The following SLC4A8 variants were observed in gnomAD, a reference collection of about 807,000 sequenced individuals.
The protein encoded by SLC4A8 is electroneutral sodium bicarbonate exchanger 1.
A neutral mutation model predicts 125.0 loss-of-function variants in SLC4A8; 40 were observed. The observed-to-expected ratio is 0.32, with a 90% CI of 0.25 to 0.42. The LOEUF (loss-of-function observed/expected upper bound fraction) is 0.42, where lower values mean the gene tolerates loss of function less well. SLC4A8 is among the 10% of genes least tolerant of loss of function. SLC4A8 has a pLI of 1.00. For missense variants in SLC4A8, 863 were observed against 1,355.1 expected (o/e 0.64, Z 5.70); for synonymous variants, 456 against 476.0 (o/e 0.96, Z 0.55).
At chr12:51,444,344 T>A (rs1464901115) in intron 2 of SLC4A8, among the ~76,000 whole-genome samples, 1 of 152,228 alleles carries the variant, frequency 6.6e-6, no homozygotes, top group African/African-American at 2.4e-5. Context: ...AACTGATGCC[T>A]GATTTTCTGA....
chr12:51,453,202 A>G (rs958232848), intron 4 of SLC4A8, among the ~76,000 whole-genome samples: 11 of 152,362 alleles, frequency 7.2e-5, no homozygotes, highest in African/African-American at 2.4e-4. Flanking sequence ...CATTATAGAA[A>G]GTTTAAGAAT....
At chr12:51,494,797 C>G (rs930530512) in intron 20 of SLC4A8, 148 bp from the exon 21 acceptor site, 3 of 588,870 alleles carry the variant, frequency 5.1e-6, no homozygotes, top group South Asian at 7.2e-5. Context: ...ATTGCCTGGT[C>G]TTTTAAAGTC....
At chr12:51,504,230 A>G (rs3896351) in intron 23 of SLC4A8, 110 bp downstream of exon 23, 355,139 of 700,856 alleles carry the variant, frequency 0.51, 91,556 homozygotes, top group Non-Finnish European at 0.53. Context: ...AGAGCTAAAT[A>G]TTCAGCCTCC....
Position 51,468,321 on chromosome 12 carries a change from C to T in SLC4A8, c.1350-1293C>T, listed in dbSNP as rs151116640. On this transcript the variant is annotated intron_variant, in intron 11 of 24. Transcript: ENST00000453097. ...TCTACCTCCTGATTAGCTCTTGAAT[C>T]CATCCACTTCTCATCCTAATCTATG... Among the ~76,000 whole-genome samples, 1,356 of 152,320 alleles carry T rather than the reference C, an allele frequency of 8.9e-3. 69 individuals carry two copies. Among genetic ancestry groups the T allele is most frequent in the Admixed American group, 0.079 (1,211 of 15,298 alleles).
chr12:51,481,867 C>A (rs1451876994), intron 16 of SLC4A8, among the ~76,000 whole-genome samples: 1 of 151,968 alleles, frequency 6.6e-6, no homozygotes, highest in African/African-American at 2.4e-5. Flanking sequence ...GTGGAAGGAT[C>A]ACTTGAGGCC....
chr12:51,432,844 G>C (rs1949241796), intron 1 of SLC4A8, among the ~76,000 whole-genome samples: 1 of 152,172 alleles, frequency 6.6e-6, no homozygotes, highest in Non-Finnish European at 1.5e-5. Context: ...GGCAGGGATA[G>C]TGGTGGGAGT....
intron 14 of SLC4A8, among the ~76,000 whole-genome samples, chr12:51,472,092 T>C (rs1950716542): frequency 6.6e-6 from 1 of 152,238 alleles, no homozygotes; most frequent in Non-Finnish European, 1.5e-5. Flanking sequence ...AGATTATGAT[T>C]TCTTTATGTG....
At chr12:51,425,331 T>C (rs1024241370) in intron 1 of SLC4A8, 1 of 1,234,970 alleles carries the variant, frequency 8.1e-7, no homozygotes, top group African/African-American at 1.6e-5. Context: ...TCTCCTCGCG[T>C]CTTTCTGTTG....
At position 51,507,559 on chromosome 12, in the gene SLC4A8, T is replaced by C; in HGVS notation, c.*121T>C. On this transcript the variant is annotated 3_prime_UTR_variant, in exon 25 of 25. Coordinates refer to ENST00000453097, the MANE Select transcript of SLC4A8 (RefSeq NM_001039960.3). Reference sequence around the variant, plus strand: ...CCAAGTCTGGCCCTGTCCTTGGTCATCTCAAAGCCATGCCGAAGCATTCAG... The same window carrying C: ...CCAAGTCTGGCCCTGTCCTTGGTCACCTCAAAGCCATGCCGAAGCATTCAG... 1 of 636,726 alleles carries C rather than the reference T, an allele frequency of 1.6e-6. No individual in the cohort carries two copies. The allele number at this position is 636,726 out of a possible 1,614,324, so 39.4% of individuals were successfully genotyped here. A position where few individuals can be genotyped will look rare whatever the true frequency, so the allele number is the denominator to read the frequency against.
At chr12:51,435,922 T>C (rs768450030) in intron 1 of SLC4A8, among the ~76,000 whole-genome samples, 10 of 152,210 alleles carry the variant, frequency 6.6e-5, no homozygotes, top group African/African-American at 9.7e-5. Flanking sequence ...TACAAAATGG[T>C]ATTTTAAGAG....
At chr12:51,486,375 TGA>T (rs1292763940) in intron 17 of SLC4A8, among the ~76,000 whole-genome samples, 7 of 152,150 alleles carry the variant, frequency 4.6e-5, no homozygotes, top group Non-Finnish European at 7.4e-5. Context: ...AGAATGGAAC[TGA>T]GAGGAGCCTC....
intron 3 of SLC4A8, among the ~76,000 whole-genome samples, chr12:51,451,749 C>T (rs1565786086): frequency 6.7e-6 from 1 of 149,744 alleles, no homozygotes; most frequent in African/African-American, 2.5e-5. Flanking sequence ...AAGGTGGCTA[C>T]TATAAAACCA....
chr12:51,498,898 AAG>A (rs1491213719), intron 22 of SLC4A8, among the ~76,000 whole-genome samples: 2 of 137,576 alleles, frequency 1.5e-5, no homozygotes, highest in African/African-American at 5.4e-5. Flanking sequence ...AAAAAAAAAA[AAG>A]AGGCTGGATG....
rs1565816139 is a variant in SLC4A8, at chr12:51,488,631, C to A, written c.2287-68C>A. 6.1e-6 allele frequency: 7 copies of A among 1,154,642 alleles called. No individual in the cohort carries two copies. The South Asian group carries it at 9.5e-5, about 16-fold the overall frequency. 71.5% of individuals were successfully genotyped at this position (1,154,642 alleles called of 1,614,324 possible). A position where few individuals can be genotyped will look rare whatever the true frequency, so the allele number is the denominator to read the frequency against. On this transcript the variant is annotated intron_variant, in intron 17 of 24. Transcript: ENST00000453097. ...TAAAAAGAAATATGGATATTGTGAT[C>A]CAGTTTGATATGTTTTACCCCAATG...
intron 19 of SLC4A8, 66 bp from the exon 20 acceptor site, chr12:51,493,638 A>G (rs1184527583): frequency 3.1e-6 from 3 of 982,696 alleles, no homozygotes; most frequent in East Asian, 2.4e-5. Flanking sequence ...TTAAAAGTGT[A>G]TATAGTTTTG....
At chr12:51,462,016 C>A in intron 9 of SLC4A8, 2 of 237,898 alleles carry the variant, frequency 8.4e-6, no homozygotes, top group African/African-American at 2.3e-5. Context: ...ATATATCTTG[C>A]CTTTCCTTCC....
chr12:51,476,849 A>G (rs901374122), intron 16 of SLC4A8, among the ~76,000 whole-genome samples: 1 of 151,392 alleles, frequency 6.6e-6, no homozygotes, highest in African/African-American at 2.4e-5. Flanking sequence ...ATTGCACACA[A>G]TAATTTCTGA....
intron 1 of SLC4A8, among the ~76,000 whole-genome samples, chr12:51,437,700 T>C (rs1949464020): frequency 6.6e-6 from 1 of 152,184 alleles, no homozygotes; most frequent in South Asian, 2.1e-4. Context: ...GGTATTCCAT[T>C]ATAGCAATGC....
upstream of SLC4A8, chr12:51,424,728 C>A: frequency 2.2e-6 from 1 of 461,136 alleles, no homozygotes; most frequent in Non-Finnish European, 3.8e-6. Context: ...GGCTCCTCCC[C>A]CTCCCCGCGG....
Sources: gnomAD v4.1 joint callset for allele counts (sites outside exome capture counted in the v4.1 genomes callset) on GRCh38, gnomAD v4.1.1 for gene constraint, MANE v1.5 for transcripts, NCBI Gene and HGNC (gene_info 2026-07-23, HGNC 2026-07-21) for gene names.